Variants in CRY1 observed in about 807,000 individuals in gnomAD.
CRY1 encodes the protein cryptochrome circadian regulator 1.
Under a neutral mutation model 76.0 loss-of-function variants are expected in CRY1, and 45 were observed. That is an observed-to-expected ratio of 0.59 (90% confidence interval 0.47 to 0.76). The LOEUF is 0.76. Among genes scored for constraint, CRY1 ranks in the 30% least tolerant of loss-of-function variants. The pLI, the probability that CRY1 is intolerant of heterozygous loss-of-function variation, is 0.00. For synonymous variants in CRY1, 248 were observed against 244.0 expected (o/e 1.02, Z -0.15); for missense variants, 587 against 716.4 (o/e 0.82, Z 2.06).
intron 1 of CRY1, among the ~76,000 whole-genome samples, chr12:107,025,005 C>A (rs1952591972): frequency 6.6e-6 from 1 of 152,136 alleles, no homozygotes; most frequent in African/African-American, 2.4e-5. Context: ...TGATGCTATT[C>A]TTTGTTATAA....
chr12:107,003,646 T>C (rs1240860768), intron 3 of CRY1, among the ~76,000 whole-genome samples: 2 of 152,190 alleles, frequency 1.3e-5, no homozygotes, highest in Non-Finnish European at 2.9e-5. Flanking sequence ...GCAATGAATT[T>C]TGCTGAATGT....
chr12:107,003,891 C>T (rs1952340848), intron 3 of CRY1, among the ~76,000 whole-genome samples: 1 of 150,246 alleles, frequency 6.7e-6, no homozygotes, highest in Non-Finnish European at 1.5e-5. Context: ...ACTGCAACGT[C>T]TGCCTCCCGG....
rs148002896 is a variant in CRY1 at position 107,063,147 on chromosome 12, G to A, written c.158+29657C>T. Reference sequence around the variant, plus strand: ...TAAGAAGACTCAAGACACCATTTTGGAGTCTTAATATTCTAAGCAAGAAAT... The same window carrying A: ...TAAGAAGACTCAAGACACCATTTTGAAGTCTTAATATTCTAAGCAAGAAAT... On this transcript the variant is annotated intron_variant, in intron 1 of 12. Coordinates refer to ENST00000008527, the MANE Select transcript of CRY1 (RefSeq NM_004075.5). Among the ~76,000 whole-genome samples the A allele has an allele frequency of 1.2e-3, 177 of 152,256 alleles. 2 individuals carry two copies. The highest frequency in any genetic ancestry group is 4.2e-3 in the African/African-American group (173 of 41,562).
In CRY1 at chr12:106,999,689, G is replaced by C; in HGVS notation, c.999C>G (p.Gly333=). 1 of 1,614,212 alleles carries C rather than the reference G, an allele frequency of 6.2e-7. No homozygotes were observed. Among genetic ancestry groups the C allele is most frequent in the African/African-American group, 1.3e-5 (1 of 75,062 alleles). Residue 333 remains glycine (G), a synonymous_variant, in exon 7 of 13, where the codon GGC becomes GGG. Coordinates refer to ENST00000008527, the MANE Select transcript of CRY1 (RefSeq NM_004075.5). The part of the protein sequence containing the change: ...NPEALAKWAE[G]RTGFPWIDAI... ...CATCAATCCATGGAAAGCCTGTCCG[G>C]CCTTCCGCCCATTTGGCTAAAGCCT...
At chr12:107,075,168 T>G (rs563692847) in intron 1 of CRY1, among the ~76,000 whole-genome samples, 2,438 of 152,258 alleles carry the variant, frequency 0.016, 68 homozygotes, top group African/African-American at 0.056. Context: ...TTGACAAAAA[T>G]AAAATAGGCT....
At chr12:107,092,460 C>CA (rs1465619023) in intron 1 of CRY1, among the ~76,000 whole-genome samples, 1 of 152,154 alleles carries the variant, frequency 6.6e-6, no homozygotes, top group Admixed American at 6.5e-5. Context: ...CCGAATGCCA[C>CA]AAAAAGGCCA....
chr12:107,022,231 A>T, intron 1 of CRY1, 39 bp from the exon 2 acceptor site: 1 of 1,236,456 alleles, frequency 8.1e-7, no homozygotes, highest in Non-Finnish European at 1.1e-6. Flanking sequence ...ATTAAAAAAT[A>T]CATATTTAGA....
In CRY1 at chr12:107,052,714, G is replaced by A. The variant is rs564491382; in HGVS notation, c.159-30522C>T. Among the ~76,000 whole-genome samples the A allele has an allele frequency of 2.0e-5, 3 of 152,346 alleles. No individual in the cohort carries two copies. In the East Asian group the frequency reaches 5.8e-4, roughly 29 times the overall value. On this transcript the variant is annotated intron_variant, in intron 1 of 12. Coordinates refer to ENST00000008527, the MANE Select transcript of CRY1 (RefSeq NM_004075.5). ...CTGGTAAGGAAACATTTTGTGCAGA[G>A]GGAACAGCAGATGTACAACACAGGT...
chr12:107,026,249 T>G (rs1345459576), intron 1 of CRY1, among the ~76,000 whole-genome samples: 1 of 122,958 alleles, frequency 8.1e-6, no homozygotes, highest in Non-Finnish European at 1.7e-5. Flanking sequence ...TCTCTCTTTC[T>G]GAGACACAGT....
At chr12:107,056,008 T>C (rs1045482579) in intron 1 of CRY1, among the ~76,000 whole-genome samples, 1 of 151,860 alleles carries the variant, frequency 6.6e-6, no homozygotes, top group Non-Finnish European at 1.5e-5. Flanking sequence ...CCCTAAAGAG[T>C]TGGCAAGACA....
At chr12:107,002,625 T>C (rs1216686064) in intron 3 of CRY1, among the ~76,000 whole-genome samples, 1 of 152,194 alleles carries the variant, frequency 6.6e-6, no homozygotes, top group Non-Finnish European at 1.5e-5. Flanking sequence ...CCTCTAGTGT[T>C]GTTCATCTTA....
intron 1 of CRY1, among the ~76,000 whole-genome samples, chr12:107,087,274 A>T (rs1238280215): frequency 6.6e-6 from 1 of 152,020 alleles, no homozygotes; most frequent in African/African-American, 2.4e-5. Context: ...GTGGAAAGTG[A>T]GGAAGTGGAA....
intron 1 of CRY1, chr12:107,043,165 C>A (rs925305150): frequency 1.3e-5 from 2 of 152,248 alleles, no homozygotes. Flanking sequence ...CATCCCCAAG[C>A]CAAGCTTCCT....
At chr12:107,062,025 C>CAAAAAAAAAAAAAAAAAAAAA (rs35683352) in intron 1 of CRY1, among the ~76,000 whole-genome samples, 4 of 93,538 alleles carry the variant, frequency 4.3e-5, no homozygotes, top group African/African-American at 1.4e-4. Flanking sequence ...GACCCTGTCT[C>CAAAAAAAAAAAAAAAAAAAAA]AAAAAAAAAA....
chr12:107,036,105 G>T (rs138674418), intron 1 of CRY1, among the ~76,000 whole-genome samples: 5 of 152,152 alleles, frequency 3.3e-5, no homozygotes, highest in Non-Finnish European at 5.9e-5. Flanking sequence ...TCCACAGTAG[G>T]GGAAGAACTG....
intron 2 of CRY1, among the ~76,000 whole-genome samples, chr12:107,010,776 T>C (rs1566246180): frequency 6.9e-6 from 1 of 145,144 alleles, no homozygotes; most frequent in Non-Finnish European, 1.5e-5. Context: ...ACTATTGTAA[T>C]TGTTTTGGGG....
Position 107,067,470 on chromosome 12 carries a change from G to A in CRY1, c.158+25334C>T, listed in dbSNP as rs564665429. 4.8e-4 allele frequency among the ~76,000 whole-genome samples: 73 copies of A among 151,936 alleles called. No homozygotes were observed. The South Asian group carries it at 7.3e-3, about 15-fold the overall frequency. ...CTTTAGATGCTGACATGGTGATATC[G>A]GCATGCACAACTTTTATGATTATCT... On this transcript the variant is annotated intron_variant, in intron 1 of 12. Coordinates refer to ENST00000008527, the MANE Select transcript of CRY1 (RefSeq NM_004075.5).
chr12:107,074,860 C>A (rs1229268970), intron 1 of CRY1, among the ~76,000 whole-genome samples: 1 of 151,970 alleles, frequency 6.6e-6, no homozygotes, highest in African/African-American at 2.4e-5. Context: ...AGTAAAAATA[C>A]AAAAATTAGC....
At chr12:107,012,586 C>T (rs975950060) in intron 2 of CRY1, among the ~76,000 whole-genome samples, 1 of 152,158 alleles carries the variant, frequency 6.6e-6, no homozygotes, top group African/African-American at 2.4e-5. Flanking sequence ...AATTCTGCAG[C>T]CCATGGATCA....
Sources: gnomAD v4.1 joint callset for allele counts (sites outside exome capture counted in the v4.1 genomes callset) on GRCh38, gnomAD v4.1.1 for gene constraint, MANE v1.5 for transcripts, NCBI Gene and HGNC (gene_info 2026-07-23, HGNC 2026-07-21) for gene names.